Variants in TOGARAM2 observed in about 807,000 individuals in gnomAD.
The protein encoded by TOGARAM2 is TOG array regulator of axonemal microtubules protein 2.
TOGARAM2 carries 85 observed loss-of-function variants against 93.3 expected under a neutral mutation model. The ratio of observed to expected loss-of-function variants is 0.91; its 90% CI spans 0.76 to 1.09. TOGARAM2 has a LOEUF of 1.09. Among genes scored for constraint, TOGARAM2 ranks in the 50% least tolerant of loss-of-function variants. The pLI, the probability that TOGARAM2 is intolerant of heterozygous loss-of-function variation, is 0.00. For synonymous variants in TOGARAM2, 593 were observed against 552.8 expected, an observed-to-expected ratio of 1.07 and a Z score of -1.02; for missense variants, 1,277 against 1,334.5, an observed-to-expected ratio of 0.96 and a Z score of 0.67.
intron 1 of TOGARAM2, among the ~76,000 whole-genome samples, chr2:28,958,183 AG>A (rs2148210269): frequency 6.6e-6 from 1 of 152,324 alleles, no homozygotes; most frequent in Admixed American, 6.5e-5. Flanking sequence ...GTTGGAAATC[AG>A]GTGTAAGAGA....
chr2:29,014,330 C>T, intron 7 of TOGARAM2, 65 bp from the exon 8 acceptor site: 8 of 1,552,046 alleles, frequency 5.2e-6, no homozygotes, highest in Non-Finnish European at 7.0e-6. Flanking sequence ...GAGCCAGCCA[C>T]AGGGTCAGTG....
intron 4 of TOGARAM2, 138 bp downstream of exon 4, chr2:28,999,606 G>C: frequency 9.8e-7 from 1 of 1,018,708 alleles, no homozygotes; most frequent in East Asian, 2.6e-5. Flanking sequence ...TACATACCAG[G>C]TACCTTCTCT....
At chr2:29,026,738 G>C in intron 13 of TOGARAM2, 115 bp from the exon 14 acceptor site, 1 of 1,178,256 alleles carries the variant, frequency 8.5e-7, no homozygotes, top group Non-Finnish European at 1.1e-6. Flanking sequence ...AGGTATTTTT[G>C]GAGCCCCTGG....
In TOGARAM2 at chr2:28,966,007, C is replaced by G. The variant is rs137907979; in HGVS notation, c.-147+9310C>G. On this transcript the variant is annotated intron_variant, in intron 1 of 6. Transcript: ENST00000401723. The stretch of plus-strand genomic sequence containing the variant: ...CCATGTTATTCCATCATGTCAGAAA[C>G]AGAGGGCTCACTTAGCTTATTTTTT... Among the ~76,000 whole-genome samples the G allele has an allele frequency of 9.8e-4, 149 of 152,144 alleles. 1 individual carries two copies. The highest frequency in any genetic ancestry group is 3.5e-3 in the African/African-American group (147 of 41,520).
chr2:28,974,806 T>A (rs988511650), intron 1 of TOGARAM2, among the ~76,000 whole-genome samples: 63 of 151,806 alleles, frequency 4.2e-4, no homozygotes, highest in Non-Finnish European at 5.4e-4. Context: ...TATTATTATT[T>A]TTTTAATAGA....
chr2:29,021,794 T>C (rs1572726739), intron 10 of TOGARAM2, among the ~76,000 whole-genome samples: 1 of 151,992 alleles, frequency 6.6e-6, no homozygotes, highest in Non-Finnish European at 1.5e-5. Context: ...CATTCATTGA[T>C]GGCTCAGGGG....
intron 6 of TOGARAM2, among the ~76,000 whole-genome samples, chr2:29,008,185 C>G (rs1374392608): frequency 6.6e-6 from 1 of 152,162 alleles, no homozygotes; most frequent in Non-Finnish European, 1.5e-5. Flanking sequence ...GAGTCTCACT[C>G]TGTCACCCAG....
At chr2:28,993,750 T>G (rs1412003330) in intron 1 of TOGARAM2, among the ~76,000 whole-genome samples, 1 of 152,160 alleles carries the variant, frequency 6.6e-6, no homozygotes, top group Non-Finnish European at 1.5e-5. Context: ...GTGTTTGGGT[T>G]GAGGGTTGCT....
At chr2:29,027,125 A>G in intron 14 of TOGARAM2, 114 bp downstream of exon 14, 1 of 1,130,524 alleles carries the variant, frequency 8.8e-7, no homozygotes, top group Admixed American at 3.1e-5. Flanking sequence ...ACAGGCAGGT[A>G]GGCGGAAGCT....
At position 28,962,080 on chromosome 2, in the gene TOGARAM2, T is replaced by G. The variant is rs1671810947; in HGVS notation, c.-147+5383T>G. 2.0e-5 allele frequency among the ~76,000 whole-genome samples: 3 copies of G among 152,154 alleles called. No homozygotes were observed. In the South Asian group the frequency reaches 6.2e-4, roughly 32 times the overall value. On this transcript the variant is annotated intron_variant, in intron 1 of 6. Coordinates refer to the TOGARAM2 transcript ENST00000401723. The stretch of plus-strand genomic sequence containing the variant: ...TCCAGAAATTAAAAAAAATCATCAT[T>G]AAGGAAGAGAAAGATTTATATCATC...
chr2:29,050,451 G>A (rs894260751), intron 19 of TOGARAM2: 1 of 152,122 alleles, frequency 6.6e-6, no homozygotes, highest in African/African-American at 2.4e-5. Flanking sequence ...GAAAGAGTGT[G>A]GACTTTGGAG....
In TOGARAM2 at chr2:29,011,443, C is replaced by A. The variant is rs543477480; in HGVS notation, c.831-12C>A. 1.2e-6 allele frequency: 2 copies of A among 1,610,694 alleles called. No individual in the cohort carries two copies. Among genetic ancestry groups the A allele is most frequent in the South Asian group, 1.1e-5 (1 of 90,620 alleles). The stretch of plus-strand genomic sequence containing the variant: ...TCCCTCATGATGCTTTTCTCTCCCC[C>A]GTTCTTTTAAGATTGGCTCGGGGGA... On this transcript the variant is annotated splice_polypyrimidine_tract_variant and intron_variant, in intron 6 of 19. Transcript: ENST00000379558.
Position 29,028,934 on chromosome 2 carries a change from C to T in TOGARAM2, c.2012+1923C>T, listed in dbSNP as rs570376328. ...GTTTTGCTTACTCCTGCAAGAATGG[C>T]CATAATCAAAAAACCAAAAAATAAT... is the stretch of plus-strand genomic sequence containing the variant. On this transcript the variant is annotated intron_variant, in intron 14 of 19. Coordinates refer to ENST00000379558, the MANE Select transcript of TOGARAM2 (RefSeq NM_199280.4). 6.6e-5 allele frequency among the ~76,000 whole-genome samples: 10 copies of T among 152,202 alleles called. No homozygotes were observed. The East Asian group carries it at 1.5e-3, about 23-fold the overall frequency.
At position 29,023,182 on chromosome 2, in the gene TOGARAM2, G is replaced by A. The variant is rs189864346; in HGVS notation, c.1608G>A (p.Val536=). 4.8e-3 allele frequency: 7,653 copies of A among 1,586,128 alleles called. 18 individuals carry two copies. The highest frequency in any genetic ancestry group is 6.2e-3 in the Non-Finnish European group (7,200 of 1,166,154). Residue 536 remains valine (V), a synonymous_variant, in exon 12 of 20, where the codon GTG becomes GTA. Coordinates refer to ENST00000379558, the MANE Select transcript of TOGARAM2 (RefSeq NM_199280.4). Reference sequence around the variant, plus strand: ...AGCTGCACGACGTGTGCTTGGTGGTGACTGGGGAGGTGAGGCCCCCCAGCC... The same window carrying A: ...AGCTGCACGACGTGTGCTTGGTGGTAACTGGGGAGGTGAGGCCCCCCAGCC... ...TGKLHDVCLV[V]TGEVTNLRSK... is the part of the protein sequence containing the mutation.
chr2:29,029,766 A>C (rs1472117026), intron 14 of TOGARAM2, among the ~76,000 whole-genome samples: 3 of 151,584 alleles, frequency 2.0e-5, no homozygotes, highest in Admixed American at 6.6e-5. Flanking sequence ...AAAAAAAAAA[A>C]AGAATGACAT....
intron 3 of TOGARAM2, among the ~76,000 whole-genome samples, chr2:28,998,952 C>T (rs1673134488): frequency 6.6e-6 from 1 of 152,076 alleles, no homozygotes; most frequent in African/African-American, 2.4e-5. Context: ...CCTGTGGATT[C>T]CCCCTTTTGT....
At chr2:29,024,567 G>T (rs946481097) in intron 13 of TOGARAM2, among the ~76,000 whole-genome samples, 193 bp downstream of exon 13, 2 of 152,136 alleles carry the variant, frequency 1.3e-5, no homozygotes, top group African/African-American at 2.4e-5. Flanking sequence ...TGAAGAAGGG[G>T]CCCATCTCAG....
At chr2:29,011,799 T>C (rs1664267505) in intron 7 of TOGARAM2, among the ~76,000 whole-genome samples, 1 of 152,188 alleles carries the variant, frequency 6.6e-6, no homozygotes, top group Admixed American at 6.5e-5. Flanking sequence ...TCTGGCCGTG[T>C]GTGACAGACG....
At chr2:28,993,091 GA>G (rs200338942) in intron 1 of TOGARAM2, among the ~76,000 whole-genome samples, 79 of 149,556 alleles carry the variant, frequency 5.3e-4, no homozygotes, top group African/African-American at 1.7e-3. Flanking sequence ...AGAAGTTAAA[GA>G]AAAAAAAATC....
Sources: allele counts gnomAD v4.1 joint callset (sites outside exome capture counted in the v4.1 genomes callset), GRCh38; gene constraint gnomAD v4.1.1; transcripts MANE v1.5; gene names NCBI Gene and HGNC (gene_info 2026-07-23, HGNC 2026-07-21).